DAB1: variants seen among roughly 807,000 people sequenced by gnomAD.
The protein encoded by DAB1 is DAB adaptor protein 1.
In DAB1, 15 loss-of-function variants were observed where a neutral mutation model predicts 64.6. That is an observed-to-expected ratio of 0.23 (90% CI 0.16 to 0.36). The LOEUF is 0.36. Among genes scored for constraint, DAB1 ranks in the 10% least tolerant of loss-of-function variants. The pLI is 1.00. For missense variants in DAB1, 596 were observed against 706.7 expected (o/e 0.84, Z 1.78); for synonymous variants, 235 against 251.9 (o/e 0.93, Z 0.64).
rs138557426 is a variant in DAB1 at position 58,536,528 on chromosome 1, T to G, written n.33-9193A>C. Reference sequence around the variant, plus strand: ...TACTACTTACTGCTTCATATTCCAGTTCCGATAAAAGTCTGAACTGTTCTT... The same window carrying G: ...TACTACTTACTGCTTCATATTCCAGGTCCGATAAAAGTCTGAACTGTTCTT... On this transcript the variant is annotated intron_variant and non_coding_transcript_variant, in intron 1 of 20. Coordinates refer to the DAB1 transcript ENST00000485760. 8.9e-5 allele frequency: 78 copies of G among 872,568 alleles called. No homozygotes were observed. In the African/African-American group the frequency reaches 1.0e-3, roughly 11 times the overall value. 54.1% of individuals were successfully genotyped at this position (872,568 alleles called of 1,614,324 possible). A position where few individuals can be genotyped will look rare whatever the true frequency, so the allele number is the denominator to read the frequency against.
intron 3 of DAB1, among the ~76,000 whole-genome samples, chr1:58,438,907 T>C (rs1162648481): frequency 6.6e-6 from 1 of 152,062 alleles, no homozygotes; most frequent in African/African-American, 2.4e-5. Flanking sequence ...TCTGAATCCA[T>C]GGCTTCGAGT....
At chr1:57,760,468 T>C (rs996205527) in intron 6 of DAB1, among the ~76,000 whole-genome samples, 4 of 152,106 alleles carry the variant, frequency 2.6e-5, no homozygotes, top group South Asian at 2.1e-4. Flanking sequence ...GGCCCAGGTC[T>C]CTAAGAACAT....
chr1:58,369,203 C>T (rs4912334), intron 3 of DAB1, among the ~76,000 whole-genome samples: 30,439 of 151,896 alleles, frequency 0.2, 3,139 homozygotes, highest in Middle Eastern at 0.3. Flanking sequence ...TGGCTTTTTT[C>T]CCCCTCCATG....
At chr1:58,315,452 C>G (rs1662536417) in intron 4 of DAB1, among the ~76,000 whole-genome samples, 1 of 152,142 alleles carries the variant, frequency 6.6e-6, no homozygotes, top group Admixed American at 6.5e-5. Flanking sequence ...TTCTTCCTTT[C>G]ATTTATCCAA....
chr1:58,208,344 A>AT (rs1167157560), intron 4 of DAB1, among the ~76,000 whole-genome samples: 1 of 152,168 alleles, frequency 6.6e-6, no homozygotes, highest in Non-Finnish European at 1.5e-5. Flanking sequence ...GTCTGGTTAC[A>AT]TGGACAAGTT....
rs1251066824 is a variant in DAB1, at chr1:57,262,210, T to A, written c.67+28754A>T. On this transcript the variant is annotated intron_variant, in intron 2 of 14. Coordinates refer to ENST00000371236, the MANE Select transcript of DAB1 (RefSeq NM_001365792.1). The stretch of plus-strand genomic sequence containing the variant: ...CGTCATTTCGCATTGTTATTCCCAT[T>A]GTACCATTAAGGAAGCTGATTAAAT... 1.3e-5 allele frequency among the ~76,000 whole-genome samples: 2 copies of A among 152,234 alleles called. 1 individual carries two copies. Among genetic ancestry groups the A allele is most frequent in the Non-Finnish European group, 2.9e-5 (2 of 68,040 alleles).
At chr1:57,438,858 T>C (rs954088999) in intron 7 of DAB1, among the ~76,000 whole-genome samples, 2 of 152,204 alleles carry the variant, frequency 1.3e-5, no homozygotes, top group African/African-American at 4.8e-5. Context: ...TAGCATACTC[T>C]TCAGTTGCCT....
At chr1:58,018,116 T>TA (rs1187662080) in intron 5 of DAB1, among the ~76,000 whole-genome samples, 3 of 140,670 alleles carry the variant, frequency 2.1e-5, no homozygotes, top group Non-Finnish European at 4.6e-5. Context: ...TACTGCATTC[T>TA]AAGTGCTTTT....
At chr1:58,313,554 C>T (rs1186299040) in intron 4 of DAB1, among the ~76,000 whole-genome samples, 2 of 152,142 alleles carry the variant, frequency 1.3e-5, no homozygotes, top group African/African-American at 4.8e-5. Flanking sequence ...TTCATTTACT[C>T]CCAGTGTTTC....
intron 2 of DAB1, among the ~76,000 whole-genome samples, chr1:57,205,551 T>C (rs1665468640): frequency 6.6e-6 from 1 of 152,192 alleles, no homozygotes; most frequent in South Asian, 2.1e-4. Context: ...AAAATAGAAC[T>C]AAGAGTGATT....
intron 2 of DAB1, among the ~76,000 whole-genome samples, chr1:57,181,521 T>G (rs2100970098): frequency 6.6e-6 from 1 of 152,320 alleles, no homozygotes; most frequent in East Asian, 1.9e-4. Flanking sequence ...ATTACATGTT[T>G]CCTTATCTCT....
At chr1:57,303,134 T>A (rs1673810970) in intron 1 of DAB1, among the ~76,000 whole-genome samples, 1 of 152,030 alleles carries the variant, frequency 6.6e-6, no homozygotes, top group Admixed American at 6.5e-5. Context: ...GAGATTTAGA[T>A]GACATTTGAG....
intron 4 of DAB1, among the ~76,000 whole-genome samples, chr1:58,257,518 T>C (rs1409542308): frequency 6.6e-6 from 1 of 152,188 alleles, no homozygotes; most frequent in African/African-American, 2.4e-5. Context: ...TCAAAAGGGC[T>C]ACTCTCCTAA....
chr1:57,960,369 A>T (rs1645488735), intron 5 of DAB1, among the ~76,000 whole-genome samples: 3 of 152,190 alleles, frequency 2.0e-5, no homozygotes, highest in Non-Finnish European at 4.4e-5. Context: ...AAGATTTTTT[A>T]AAAATTCCTG....
At chr1:57,290,888 A>T in intron 2 of DAB1, 76 bp downstream of exon 2, 1 of 829,372 alleles carries the variant, frequency 1.2e-6, no homozygotes, top group Non-Finnish European at 2.0e-6. Flanking sequence ...ATATTTCTTT[A>T]TATCATTCCA....
At chr1:58,452,300 T>C (rs1645146206) in intron 3 of DAB1, among the ~76,000 whole-genome samples, 1 of 151,710 alleles carries the variant, frequency 6.6e-6, no homozygotes, top group African/African-American at 2.4e-5. Context: ...ATATGGCACA[T>C]ATGCACATAA....
At chr1:57,408,166 G>A (rs1169000068) in intron 1 of DAB1, among the ~76,000 whole-genome samples, 2 of 152,160 alleles carry the variant, frequency 1.3e-5, no homozygotes, top group East Asian at 3.9e-4. Context: ...GCGCTGCTGA[G>A]ACCTGCAAGC....
intron 4 of DAB1, among the ~76,000 whole-genome samples, chr1:58,253,604 G>T (rs936620276): frequency 6.6e-6 from 1 of 152,196 alleles, no homozygotes; most frequent in Non-Finnish European, 1.5e-5. Context: ...TTTATTTTAC[G>T]TTATTTCCTG....
At chr1:57,734,815 TACC>T (rs1164990038) in intron 6 of DAB1, among the ~76,000 whole-genome samples, 33 of 152,334 alleles carry the variant, frequency 2.2e-4, no homozygotes, top group Non-Finnish European at 2.9e-4. Flanking sequence ...TGTCACCAGC[TACC>T]AGTAAACAAC....
Sources: allele counts gnomAD v4.1 joint callset (sites outside exome capture counted in the v4.1 genomes callset), GRCh38; gene constraint gnomAD v4.1.1; transcripts MANE v1.5; gene names NCBI Gene and HGNC (gene_info 2026-07-23, HGNC 2026-07-21).